SGCZ: variants seen among roughly 807,000 people sequenced by gnomAD.
SGCZ encodes the protein sarcoglycan zeta.
In SGCZ, 40 loss-of-function variants were observed where a neutral mutation model predicts 41.3. The observed-to-expected ratio is 0.97, with a 90% confidence interval of 0.75 to 1.26. The LOEUF (loss-of-function observed/expected upper bound fraction) is 1.26, where lower values mean the gene tolerates loss of function less well. Among genes scored for constraint, SGCZ ranks in the 50% most tolerant of loss-of-function variants. SGCZ has a pLI of 0.00. For missense variants in SGCZ, 552 were observed against 369.8 expected, an observed-to-expected ratio of 1.49 and a Z score of -4.04; for synonymous variants, 206 against 137.5, an observed-to-expected ratio of 1.50 and a Z score of -3.49.
At chr8:15,184,610 C>T (rs1214557101) in intron 1 of SGCZ, among the ~76,000 whole-genome samples, 3 of 151,940 alleles carry the variant, frequency 2.0e-5, no homozygotes, top group African/African-American at 7.3e-5. Flanking sequence ...GTTCAGGCAA[C>T]GGGAGTCCCC....
intron 1 of SGCZ, among the ~76,000 whole-genome samples, chr8:14,811,508 G>C (rs1192589900): frequency 8.7e-5 from 10 of 115,602 alleles, no homozygotes; most frequent in Admixed American, 6.6e-4. Flanking sequence ...TTCGCTGAAA[G>C]ACACTGCATC....
chr8:14,438,055 T>G (rs1800143023), intron 2 of SGCZ, among the ~76,000 whole-genome samples: 1 of 152,012 alleles, frequency 6.6e-6, no homozygotes, highest in African/African-American at 2.4e-5. Context: ...TGGTTACGCA[T>G]GGTAAATAAA....
Position 15,037,553 on chromosome 8 carries a change from G to C in SGCZ, c.39+200032C>G, listed in dbSNP as rs553226535. 8.5e-5 allele frequency among the ~76,000 whole-genome samples: 13 copies of C among 152,220 alleles called. 1 individual carries two copies. The South Asian group carries it at 1.5e-3, about 17-fold the overall frequency. On this transcript the variant is annotated intron_variant, in intron 1 of 7. Transcript: ENST00000382080. ...GAAAATGTTGAAAGTTTTCCTCTGAGATCAGTACATAAAGAGAGAATGTCC... is the reference window on the plus strand; with the variant it reads ...GAAAATGTTGAAAGTTTTCCTCTGACATCAGTACATAAAGAGAGAATGTCC...
chr8:14,514,351 T>G (rs998189147), intron 2 of SGCZ, among the ~76,000 whole-genome samples: 1 of 152,030 alleles, frequency 6.6e-6, no homozygotes, highest in Non-Finnish European at 1.5e-5. Context: ...TACTTACTAC[T>G]TGAATAACAA....
intron 3 of SGCZ, among the ~76,000 whole-genome samples, chr8:14,316,789 C>A (rs2117013445): frequency 6.8e-6 from 1 of 146,928 alleles, no homozygotes; most frequent in South Asian, 2.2e-4. Context: ...CCTTGGTATT[C>A]CTGTCCAATC....
intron 1 of SGCZ, among the ~76,000 whole-genome samples, chr8:14,881,450 A>G (rs1292027494): frequency 6.6e-6 from 1 of 152,128 alleles, no homozygotes; most frequent in Non-Finnish European, 1.5e-5. Flanking sequence ...TCTATGTGGG[A>G]TATCTCACGG....
intron 1 of SGCZ, among the ~76,000 whole-genome samples, chr8:15,194,185 T>TCACACA (rs34127082): frequency 0.04 from 5,546 of 139,510 alleles, 116 homozygotes; most frequent in Middle Eastern, 0.062. Context: ...CCACCTCTAA[T>TCACACA]CACACACACA....
chr8:14,185,498 T>G (rs1804874746), intron 4 of SGCZ, among the ~76,000 whole-genome samples: 1 of 152,002 alleles, frequency 6.6e-6, no homozygotes, highest in Non-Finnish European at 1.5e-5. Context: ...ACCATATACT[T>G]TATTTTTTTT....
intron 2 of SGCZ, among the ~76,000 whole-genome samples, chr8:14,336,336 G>C (rs549261487): frequency 2.6e-5 from 4 of 152,098 alleles, no homozygotes; most frequent in African/African-American, 4.8e-5. Context: ...CATTCAGCCT[G>C]CTATTGATGG....
intron 1 of SGCZ, among the ~76,000 whole-genome samples, chr8:14,819,773 G>A (rs970838657): frequency 1.3e-5 from 2 of 152,084 alleles, no homozygotes; most frequent in East Asian, 1.9e-4. Flanking sequence ...TGTGACCAAA[G>A]TCAAGTTGCT....
At chr8:15,228,071 C>G (rs900301758) in intron 1 of SGCZ, among the ~76,000 whole-genome samples, 1 of 152,194 alleles carries the variant, frequency 6.6e-6, no homozygotes, top group East Asian at 1.9e-4. Context: ...TCGATACTTG[C>G]AGATGTTAAA....
chr8:14,601,519 T>C (rs539656110), intron 1 of SGCZ, among the ~76,000 whole-genome samples: 8 of 152,144 alleles, frequency 5.3e-5, no homozygotes, highest in Non-Finnish European at 1.0e-4. Context: ...TTTTGGACAA[T>C]TTATGTGTTT....
chr8:14,408,279 T>A (rs1274911352), intron 2 of SGCZ, among the ~76,000 whole-genome samples: 5 of 152,130 alleles, frequency 3.3e-5, no homozygotes, highest in Admixed American at 3.3e-4. Context: ...GTCCAGACTG[T>A]TTGTTTAATC....
intron 4 of SGCZ, among the ~76,000 whole-genome samples, chr8:14,181,002 T>C (rs1432638388): frequency 1.3e-5 from 2 of 152,118 alleles, no homozygotes; most frequent in Admixed American, 6.6e-5. Context: ...AGAGCAGTCA[T>C]AGAGTCGATA....
intron 1 of SGCZ, among the ~76,000 whole-genome samples, chr8:14,720,953 A>T (rs1809866299): frequency 6.6e-6 from 1 of 151,852 alleles, no homozygotes; most frequent in Admixed American, 6.6e-5. Flanking sequence ...ATGACCCCAA[A>T]TTGCTAAAGG....
intron 1 of SGCZ, among the ~76,000 whole-genome samples, chr8:14,850,929 T>C (rs1803295887): frequency 6.6e-6 from 1 of 152,166 alleles, no homozygotes; most frequent in Admixed American, 6.6e-5. Flanking sequence ...TCTCCAGCCG[T>C]ACTGTGATTC....
intron 1 of SGCZ, among the ~76,000 whole-genome samples, chr8:14,938,993 C>T (rs1048555911): frequency 2.0e-5 from 3 of 152,086 alleles, no homozygotes; most frequent in Admixed American, 2.0e-4. Context: ...TCAGTCTGCG[C>T]CCTGGCAAAG....
rs572222936 is a variant in SGCZ at position 14,217,711 on chromosome 8, C to T, written c.424+19881G>A. 9.8e-5 allele frequency among the ~76,000 whole-genome samples: 14 copies of T among 143,052 alleles called. No homozygotes were observed. The East Asian group carries it at 1.5e-3, about 15-fold the overall frequency. 93.8% of individuals were successfully genotyped at this position (143,052 alleles called of 152,430 possible). On this transcript the variant is annotated intron_variant, in intron 4 of 7. Coordinates refer to ENST00000382080, the MANE Select transcript of SGCZ (RefSeq NM_139167.4). ...GCGGTGTGATCTCGGCTCACTGCAA[C>T]GTCTCACTCCTGCGTTCAAGCAATT...
intron 1 of SGCZ, among the ~76,000 whole-genome samples, chr8:14,899,590 T>C (rs1353975907): frequency 1.3e-5 from 2 of 152,144 alleles, no homozygotes; most frequent in African/African-American, 4.8e-5. Flanking sequence ...AGGCAAAGCT[T>C]CCCCATGCTT....
Sources: allele counts gnomAD v4.1 joint callset (sites outside exome capture counted in the v4.1 genomes callset), GRCh38; gene constraint gnomAD v4.1.1; transcripts MANE v1.5; gene names NCBI Gene and HGNC (gene_info 2026-07-23, HGNC 2026-07-21).